The following DZIP3 variants were observed in gnomAD, a reference collection of about 807,000 sequenced individuals.
DZIP3 encodes the protein DAZ interacting zinc finger protein 3.
A neutral mutation model predicts 162.0 loss-of-function variants in DZIP3; 118 were observed. The ratio of observed to expected loss-of-function variants is 0.73; its 90% CI spans 0.63 to 0.85. The LOEUF is 0.85. Ranked by LOEUF, DZIP3 falls within the 40% of genes least tolerant of loss-of-function variation. The pLI is 0.00. For missense variants in DZIP3, 1,331 were observed against 1,407.0 expected (o/e 0.95, Z 0.86); for synonymous variants, 438 against 458.6 (o/e 0.96, Z 0.57).
At chr3:108,622,414 CT>C (rs1236759504) in intron 5 of DZIP3, among the ~76,000 whole-genome samples, 1 of 152,132 alleles carries the variant, frequency 6.6e-6, no homozygotes, top group Non-Finnish European at 1.5e-5. Context: ...CTCAAAACAG[CT>C]GTTTGGAAGT....
At chr3:108,660,735 C>T (rs182620099) in intron 19 of DZIP3, among the ~76,000 whole-genome samples, 1,801 of 152,144 alleles carry the variant, frequency 0.012, 40 homozygotes, top group African/African-American at 0.041. Flanking sequence ...TTGCAACCTA[C>T]TCATCTGACA....
At chr3:108,592,322 G>A (rs909224629) in intron 1 of DZIP3, among the ~76,000 whole-genome samples, 8 of 152,112 alleles carry the variant, frequency 5.3e-5, no homozygotes, top group Non-Finnish European at 1.2e-4. Flanking sequence ...ATGAAGAGAG[G>A]GATGAGTCTA....
intron 19 of DZIP3, among the ~76,000 whole-genome samples, chr3:108,660,545 A>G (rs1056407749): frequency 1.4e-4 from 22 of 152,032 alleles, no homozygotes; most frequent in Non-Finnish European, 2.6e-4. Context: ...CTAGAAGAAA[A>G]CCTAGGCAAT....
chr3:108,634,360 A>G (rs914389583), intron 9 of DZIP3, among the ~76,000 whole-genome samples: 1 of 152,198 alleles, frequency 6.6e-6, no homozygotes, highest in Non-Finnish European at 1.5e-5. Context: ...CAAAAATTTT[A>G]AAAAGCAAGG....
At chr3:108,642,400 T>A (rs1323356721) in intron 12 of DZIP3, 38 bp from the exon 13 acceptor site, 2 of 1,450,868 alleles carry the variant, frequency 1.4e-6, no homozygotes, top group East Asian at 5.2e-5. Context: ...TTGGTATTAT[T>A]TTATTTCCAC....
chr3:108,635,573 A>G (rs1942104876), intron 10 of DZIP3, among the ~76,000 whole-genome samples: 1 of 147,534 alleles, frequency 6.8e-6, no homozygotes, highest in Non-Finnish European at 1.5e-5. Flanking sequence ...CTGTATAACT[A>G]CATAATTATA....
At chr3:108,618,061 T>G (rs1354351689) in intron 5 of DZIP3, among the ~76,000 whole-genome samples, 1 of 152,220 alleles carries the variant, frequency 6.6e-6, no homozygotes, top group Admixed American at 6.5e-5. Flanking sequence ...AAAGACAACC[T>G]TGTAGGAGAC....
At chr3:108,631,150 C>T (rs1941868225) in intron 8 of DZIP3, among the ~76,000 whole-genome samples, 1 of 148,706 alleles carries the variant, frequency 6.7e-6, no homozygotes, top group African/African-American at 2.5e-5. Context: ...TCCCTTCACT[C>T]TCATCCTGGG....
At chr3:108,675,669 A>T in intron 24 of DZIP3, 117 bp from the exon 25 acceptor site, 1 of 662,034 alleles carries the variant, frequency 1.5e-6, no homozygotes. Flanking sequence ...ATTGTTGGTG[A>T]TGGGGGTAAT....
At chr3:108,590,282 A>G (rs1247874516) in intron 1 of DZIP3, among the ~76,000 whole-genome samples, 2 of 152,240 alleles carry the variant, frequency 1.3e-5, no homozygotes, top group Non-Finnish European at 2.9e-5. Flanking sequence ...CTAACGTCGA[A>G]TAAAGCTTTA....
At chr3:108,685,205 T>C (rs1333791927) in intron 27 of DZIP3, among the ~76,000 whole-genome samples, 1 of 152,198 alleles carries the variant, frequency 6.6e-6, no homozygotes, top group Admixed American at 6.5e-5. Flanking sequence ...TACCATGATA[T>C]TACAGTGTTA....
intron 14 of DZIP3, among the ~76,000 whole-genome samples, chr3:108,645,195 T>C (rs1192180854): frequency 1.3e-5 from 2 of 152,150 alleles, no homozygotes; most frequent in African/African-American, 4.8e-5. Flanking sequence ...TTTTGTCACA[T>C]TAAGGAGTCT....
intron 22 of DZIP3, among the ~76,000 whole-genome samples, chr3:108,671,212 CT>C (rs1943915091): frequency 6.6e-6 from 1 of 151,606 alleles, no homozygotes; most frequent in Admixed American, 6.6e-5. Flanking sequence ...AATATATCTG[CT>C]TGAAGATTTT....
chr3:108,631,055 A>ACACACCCTCTCTCTCTCTCT, intron 8 of DZIP3, among the ~76,000 whole-genome samples: 1 of 18,008 alleles, frequency 5.6e-5, no homozygotes, highest in Non-Finnish European at 9.0e-5. Context: ...ACACACACAC[A>ACACACCCTCTCTCTCTCTCT]CTCTCTCTCT....
intron 19 of DZIP3, among the ~76,000 whole-genome samples, chr3:108,656,743 A>G (rs1326300151): frequency 6.6e-6 from 1 of 152,148 alleles, no homozygotes; most frequent in Non-Finnish European, 1.5e-5. Context: ...AAAACCTTGA[A>G]AAAAATTAGA....
chr3:108,628,658 G>A (rs1941694293), intron 7 of DZIP3, among the ~76,000 whole-genome samples: 1 of 152,170 alleles, frequency 6.6e-6, no homozygotes, highest in Non-Finnish European at 1.5e-5. Context: ...TTTCAGCACG[G>A]ATTATGGCCA....
At chr3:108,664,407 A>G (rs1340360786) in intron 21 of DZIP3, among the ~76,000 whole-genome samples, 2 of 152,200 alleles carry the variant, frequency 1.3e-5, no homozygotes, top group African/African-American at 2.4e-5. Flanking sequence ...CTGCTGGGGT[A>G]GTGTTGGCAG....
chr3:108,615,685 T>C (rs1940965165), intron 4 of DZIP3, among the ~76,000 whole-genome samples: 1 of 152,192 alleles, frequency 6.6e-6, no homozygotes, highest in Non-Finnish European at 1.5e-5. Context: ...CATTGGGGAA[T>C]GGACACAAAG....
At chr3:108,630,754 T>C in intron 8 of DZIP3, among the ~76,000 whole-genome samples, 1 of 152,166 alleles carries the variant, frequency 6.6e-6, no homozygotes. Flanking sequence ...TAGTGAATTT[T>C]TATTTTATGC....
Sources: gnomAD v4.1 joint callset for allele counts (sites outside exome capture counted in the v4.1 genomes callset) on GRCh38, gnomAD v4.1.1 for gene constraint, MANE v1.5 for transcripts, NCBI Gene and HGNC (gene_info 2026-07-23, HGNC 2026-07-21) for gene names.